Variants in AGK observed in about 807,000 individuals in gnomAD.
AGK encodes acylglycerol kinase, also known as acylglycerol kinase, mitochondrial.
In AGK, 52 loss-of-function variants were observed where a neutral mutation model predicts 66.4. That is an observed-to-expected ratio of 0.78 (90% confidence interval 0.63 to 0.99). AGK has a LOEUF of 0.99. Ranked by LOEUF, AGK falls within the 50% of genes least tolerant of loss-of-function variation. The pLI is 0.00. For missense variants in AGK, 451 were observed against 506.6 expected, an observed-to-expected ratio of 0.89 and a Z score of 1.05; for synonymous variants, 182 against 181.1, an observed-to-expected ratio of 1.00 and a Z score of -0.04.
chr7:141,587,678 A>G (rs1301314201), intron 2 of AGK, among the ~76,000 whole-genome samples: 1 of 152,160 alleles, frequency 6.6e-6, no homozygotes, highest in African/African-American at 2.4e-5. Flanking sequence ...TCAATGTCAT[A>G]TCCTGTAAAA....
intron 2 of AGK, 143 bp from the exon 3 acceptor site, chr7:141,593,003 C>T: frequency 4.4e-6 from 3 of 682,042 alleles, no homozygotes; most frequent in Non-Finnish European, 5.0e-6. Context: ...CATGCCCGGC[C>T]TGTTATCAGG....
chr7:141,628,937 T>C (rs1416614206), intron 9 of AGK, among the ~76,000 whole-genome samples: 1 of 152,178 alleles, frequency 6.6e-6, no homozygotes, highest in Non-Finnish European at 1.5e-5. Context: ...GCTTTTTCTT[T>C]TTGTTTTTTC....
chr7:141,592,498 G>A (rs970357792), intron 2 of AGK, among the ~76,000 whole-genome samples: 7 of 152,138 alleles, frequency 4.6e-5, no homozygotes, highest in African/African-American at 1.4e-4. Flanking sequence ...TCCCATGTCA[G>A]GGTCCTAAGT....
chr7:141,651,778 A>G (rs888176650), intron 15 of AGK, among the ~76,000 whole-genome samples, 169 bp downstream of exon 15: 3 of 152,198 alleles, frequency 2.0e-5, no homozygotes, highest in Admixed American at 6.5e-5. Context: ...GCTGAAAAGG[A>G]TGGCAGAATC....
intron 6 of AGK, among the ~76,000 whole-genome samples, chr7:141,611,999 G>T (rs1183163037): frequency 6.6e-6 from 1 of 152,182 alleles, no homozygotes; most frequent in East Asian, 1.9e-4. Flanking sequence ...TTTACCAAAG[G>T]AGTTGAAACC....
chr7:141,585,070 AG>A lies in AGK; in HGVS notation c.102-8074del, dbSNP rs555599712. ...GTTAAATGGGGAAGACCAGACTGGT[AG>A]GCCCTAAAATCCTTTTAAAAATCAT... On this transcript the variant is annotated intron_variant, in intron 2 of 15. Coordinates refer to ENST00000649286, the MANE Select transcript of AGK (RefSeq NM_018238.4). Among the ~76,000 whole-genome samples the A allele has an allele frequency of 1.9e-3, 288 of 152,352 alleles. 1 individual carries two copies. Among genetic ancestry groups the A allele is most frequent in the Non-Finnish European group, 3.3e-3 (222 of 68,026 alleles).
chr7:141,552,066 T>C (rs1239362142), intron 1 of AGK, among the ~76,000 whole-genome samples: 4 of 152,184 alleles, frequency 2.6e-5, no homozygotes, highest in Non-Finnish European at 5.9e-5. Flanking sequence ...CTCTCTCACT[T>C]ACTACAGTCA....
intron 2 of AGK, among the ~76,000 whole-genome samples, chr7:141,560,901 A>G (rs1439960528): frequency 2.8e-5 from 4 of 145,248 alleles, no homozygotes; most frequent in Admixed American, 2.2e-4. Flanking sequence ...GCTTCATGCC[A>G]TTCTGCCTCA....
rs1795396371 is a variant in AGK, at chr7:141,563,463, T to C, written c.101+7896T>C. Among the ~76,000 whole-genome samples, 3 of 152,374 alleles carry C rather than the reference T, an allele frequency of 2.0e-5. No individual in the cohort carries two copies. In the South Asian group the frequency reaches 6.2e-4, roughly 32 times the overall value. ...TCTCAGTTACATTCAGCTTAGGCTT[T>C]GGCGCCTGGCTTATCAATGCCATTT... On this transcript the variant is annotated intron_variant, in intron 2 of 15. Transcript: ENST00000649286.
chr7:141,623,998 G>A (rs1447720426), intron 9 of AGK, among the ~76,000 whole-genome samples: 2 of 151,854 alleles, frequency 1.3e-5, no homozygotes, highest in Non-Finnish European at 2.9e-5. Context: ...CAAATCCTGG[G>A]TGATAGTACA....
intron 2 of AGK, among the ~76,000 whole-genome samples, chr7:141,583,245 G>A (rs1416626092): frequency 6.6e-6 from 1 of 151,862 alleles, no homozygotes; most frequent in African/African-American, 2.4e-5. Context: ...GACGTTTTAA[G>A]TTCTTGAGAA....
chr7:141,588,659 T>C (rs1271805455), intron 2 of AGK, among the ~76,000 whole-genome samples: 1 of 151,900 alleles, frequency 6.6e-6, no homozygotes, highest in Non-Finnish European at 1.5e-5. Flanking sequence ...GGTTGACTAC[T>C]CCATAGGCAG....
At chr7:141,572,812 G>A (rs915359727) in intron 2 of AGK, among the ~76,000 whole-genome samples, 5 of 151,982 alleles carry the variant, frequency 3.3e-5, no homozygotes, top group East Asian at 1.9e-4. Context: ...ATGGGGGGGG[G>A]AAATGTGTTG....
intron 8 of AGK, chr7:141,615,876 A>G (rs1043988362): frequency 1.3e-4 from 33 of 255,048 alleles, no homozygotes; most frequent in African/African-American, 4.5e-4. Flanking sequence ...TAGTGAAGAC[A>G]TATTTGTGCT....
At position 141,636,956 on chromosome 7, in the gene AGK, A is replaced by G; in HGVS notation, c.669-4A>G. 14 of 1,611,270 alleles carry G rather than the reference A, an allele frequency of 8.7e-6. No individual in the cohort carries two copies. The highest frequency in any genetic ancestry group is 1.2e-5 in the Non-Finnish European group (14 of 1,178,316). ...ATCAGATTTTTATCTTGGTCTTTTCACAGGTACTGGTATCTTGGGCCTCTA... is the reference window on the plus strand; with the variant it reads ...ATCAGATTTTTATCTTGGTCTTTTCGCAGGTACTGGTATCTTGGGCCTCTA... On this transcript the variant is annotated splice_polypyrimidine_tract_variant and splice_region_variant and intron_variant, in intron 10 of 15. Coordinates refer to ENST00000649286, the MANE Select transcript of AGK (RefSeq NM_018238.4).
chr7:141,562,019 T>A, intron 2 of AGK: 1 of 456,130 alleles, frequency 2.2e-6, no homozygotes, highest in Non-Finnish European at 4.4e-6. Context: ...TAATCCATAT[T>A]CAGGTCTCTC....
chr7:141,621,512 ACTT>A (rs1213247660), intron 8 of AGK, among the ~76,000 whole-genome samples: 3 of 152,084 alleles, frequency 2.0e-5, no homozygotes, highest in Non-Finnish European at 4.4e-5. Context: ...CCTTGTATGA[ACTT>A]CTCCTTGCCA....
At chr7:141,596,447 C>A in intron 3 of AGK, 115 bp from the exon 4 acceptor site, 1 of 814,112 alleles carries the variant, frequency 1.2e-6, no homozygotes, top group South Asian at 1.7e-5. Flanking sequence ...ATATTTTTCC[C>A]CAAGGGTAGA....
chr7:141,622,985 T>C (rs1189040187), intron 9 of AGK, among the ~76,000 whole-genome samples: 1 of 151,820 alleles, frequency 6.6e-6, no homozygotes, highest in Non-Finnish European at 1.5e-5. Context: ...AAAGTTGAGA[T>C]AGGCTGAAAA....
Sources: allele counts gnomAD v4.1 joint callset (sites outside exome capture counted in the v4.1 genomes callset), GRCh38; gene constraint gnomAD v4.1.1; transcripts MANE v1.5; gene names NCBI Gene and HGNC (gene_info 2026-07-23, HGNC 2026-07-21).